Variants in TPCN1 observed in about 807,000 individuals in gnomAD.
The protein encoded by TPCN1 is two pore segment channel 1, also known as two pore channel protein 1.
TPCN1 carries 52 observed loss-of-function variants against 108.8 expected under a neutral mutation model. The observed-to-expected ratio is 0.48, with a 90% CI of 0.38 to 0.60. The LOEUF (loss-of-function observed/expected upper bound fraction) is 0.60, where lower values mean the gene tolerates loss of function less well. TPCN1 is among the 20% of genes least tolerant of loss of function. The pLI is 0.00. For synonymous variants in TPCN1, 446 were observed against 433.7 expected, an observed-to-expected ratio of 1.03 and a Z score of -0.35; for missense variants, 806 against 1,072.8, an observed-to-expected ratio of 0.75 and a Z score of 3.47.
intron 10 of TPCN1, among the ~76,000 whole-genome samples, chr12:113,275,727 C>G (rs574227849): frequency 1.3e-5 from 2 of 152,088 alleles, no homozygotes; most frequent in Admixed American, 1.3e-4. Context: ...CACCCGCCAC[C>G]ACGCCCGGCT....
At chr12:113,267,242 C>T (rs1173983041) in intron 4 of TPCN1, among the ~76,000 whole-genome samples, 2 of 152,166 alleles carry the variant, frequency 1.3e-5, no homozygotes. Context: ...TTAGGGGCTG[C>T]TCTCTGCTTG....
At chr12:113,256,917 A>G (rs1239868974) in intron 2 of TPCN1, among the ~76,000 whole-genome samples, 2 of 152,246 alleles carry the variant, frequency 1.3e-5, no homozygotes, top group Non-Finnish European at 2.9e-5. Context: ...CTTCTGTTTT[A>G]GTGACCTTTG....
chr12:113,272,255 A>T lies in TPCN1; in HGVS notation c.749-403A>T, dbSNP rs1955528797. 6.6e-6 allele frequency among the ~76,000 whole-genome samples: 1 copy of T among 152,198 alleles called. No homozygotes were observed. Among genetic ancestry groups the T allele is most frequent in the South Asian group, 2.1e-4 (1 of 4,826 alleles). On this transcript the variant is annotated intron_variant, in intron 7 of 27. Coordinates refer to ENST00000335509, the MANE Select transcript of TPCN1 (RefSeq NM_017901.6). The surrounding 1 kb of genome is among the most constrained non-coding windows in gnomAD (Gnocchi z 4.1). ...GGACCCTGGCTGCAGGGAGCAGCGG[A>T]TCCCTTTGGAATTTAGTCAGCTGTC...
At chr12:113,275,321 G>T (rs61943615) in intron 10 of TPCN1, among the ~76,000 whole-genome samples, 16,581 of 149,380 alleles carry the variant, frequency 0.11, 1,053 homozygotes, top group East Asian at 0.21. Flanking sequence ...CACTGCAACC[G>T]CCGCCTCCCA....
At chr12:113,237,131 C>G (rs1455726338) in intron 2 of TPCN1, among the ~76,000 whole-genome samples, 2 of 152,178 alleles carry the variant, frequency 1.3e-5, no homozygotes, top group Admixed American at 6.5e-5. Context: ...GATGCTGTCT[C>G]TAGCCAACTT....
chr12:113,246,035 T>C, intron 2 of TPCN1: 1 of 456,096 alleles, frequency 2.2e-6, no homozygotes, highest in Non-Finnish European at 4.4e-6. Context: ...GACATCAGCA[T>C]GTGGGAGTGT....
At chr12:113,264,817 G>T (rs1216471128) in intron 3 of TPCN1, among the ~76,000 whole-genome samples, 2 of 152,164 alleles carry the variant, frequency 1.3e-5, no homozygotes, top group African/African-American at 4.8e-5. Context: ...ATGTATAGTA[G>T]CAATACGCCA....
intron 3 of TPCN1, 132 bp downstream of exon 3, chr12:113,260,624 C>G: frequency 1.6e-6 from 2 of 1,216,198 alleles, no homozygotes; most frequent in Non-Finnish European, 2.2e-6. Flanking sequence ...GTGTGAGCTT[C>G]AGGTTCATAA....
chr12:113,232,501 G>A lies in TPCN1; in HGVS notation c.112+5537G>A, dbSNP rs1480691030. On this transcript the variant is annotated intron_variant, in intron 2 of 27. Transcript: ENST00000335509. The surrounding 1 kb of genome is among the most constrained non-coding windows in gnomAD (Gnocchi z 5.6). ...ACCCCGAGGTGTGCGCTCCATCACT[G>A]ATGTCTGTGCCGTGGCTCTGCCTCT... is the stretch of plus-strand genomic sequence containing the variant. 2.0e-5 allele frequency among the ~76,000 whole-genome samples: 3 copies of A among 152,380 alleles called. No individual in the cohort carries two copies. The highest frequency in any genetic ancestry group is 4.4e-5 in the Non-Finnish European group (3 of 68,036).
chr12:113,288,744 C>G lies in TPCN1; in HGVS notation c.1707-14C>G. 6.2e-7 allele frequency: 1 copy of G among 1,611,334 alleles called. No homozygotes were observed. The highest frequency in any genetic ancestry group is 8.5e-7 in the Non-Finnish European group (1 of 1,179,914). ...CTGCCGGCCCCGCGTCACCCTGCCC[C>G]TGTCGCCCCACAGCCTGGGCCTCAC... On this transcript the variant is annotated splice_polypyrimidine_tract_variant and intron_variant, in intron 20 of 27. Coordinates refer to ENST00000335509, the MANE Select transcript of TPCN1 (RefSeq NM_017901.6). This position sits in a 1 kb window ranked among gnomAD's most constrained non-coding sequence, Gnocchi z 4.8.
In TPCN1 at chr12:113,267,890, A is replaced by G; in HGVS notation, c.462A>G (p.Glu154=). 1 of 1,613,670 alleles carries G rather than the reference A, an allele frequency of 6.2e-7. No individual in the cohort carries two copies. The highest frequency in any genetic ancestry group is 8.5e-7 in the Non-Finnish European group (1 of 1,179,892). Residue 154 remains glutamate (E), a synonymous_variant, in exon 5 of 28, where the codon GAA becomes GAG. Transcript: ENST00000335509. ...TTGCCCTGATGGTGGTAGTGTTTGA[A>G]CTCTGCATGAAGTTACGCTGGCTGG... is the stretch of plus-strand genomic sequence containing the variant. ...ELFALMVVVF[E]LCMKLRWLGL...
chr12:113,244,672 C>T lies in TPCN1; in HGVS notation c.113-15696C>T, dbSNP rs1954281207. 3 of 985,428 alleles carry T rather than the reference C, an allele frequency of 3.0e-6. No homozygotes were observed. The South Asian group carries it at 1.4e-4, about 46-fold the overall frequency. The allele number at this position is 985,428 out of a possible 1,614,324, so 61.0% of individuals were successfully genotyped here. On this transcript the variant is annotated intron_variant, in intron 2 of 27. Transcript: ENST00000335509. ...CATGGTGTGGGGCTCTCAGTGACAA[C>T]TGGCAAGCGGCGGGGCGGTTGCTCG...
At chr12:113,252,564 C>T (rs568914900) in intron 2 of TPCN1, among the ~76,000 whole-genome samples, 11 of 152,324 alleles carry the variant, frequency 7.2e-5, no homozygotes, top group African/African-American at 2.6e-4. Context: ...TGGCTGCTGC[C>T]ATCTGTGCCA....
chr12:113,249,621 G>A (rs983831584), intron 2 of TPCN1: 2 of 152,260 alleles, frequency 1.3e-5, no homozygotes, highest in African/African-American at 2.4e-5. Flanking sequence ...GGAGAGCTAC[G>A]CAGCAGCGCT....
At position 113,289,833 on chromosome 12, in the gene TPCN1, C is replaced by T. The variant is rs116707785; in HGVS notation, c.1797-295C>T. On this transcript the variant is annotated intron_variant, in intron 21 of 27. Transcript: ENST00000335509. This position sits in a 1 kb window ranked among gnomAD's most constrained non-coding sequence, Gnocchi z 4.1. ...GAGGAGGCCCTTGCCTCTCCTCCCTCCCCTGCAAGCAACGGTGAGAGAGAA... is the reference window on the plus strand; with the variant it reads ...GAGGAGGCCCTTGCCTCTCCTCCCTTCCCTGCAAGCAACGGTGAGAGAGAA... Among the ~76,000 whole-genome samples, 2,574 of 152,288 alleles carry T rather than the reference C, an allele frequency of 0.017. 55 individuals carry two copies. Among genetic ancestry groups the T allele is most frequent in the African/African-American group, 0.058 (2,401 of 41,544 alleles).
rs760315248 is a variant in TPCN1, at chr12:113,284,574, A to G, written c.1343-7A>G. 2 of 1,613,954 alleles carry G rather than the reference A, an allele frequency of 1.2e-6. No homozygotes were observed. Among genetic ancestry groups the G allele is most frequent in the Non-Finnish European group, 1.7e-6 (2 of 1,180,040 alleles). Reference sequence around the variant, plus strand: ...TTCTCTGTCTTTTACGGGCCTGTGTATTTCAGACTTGGTGGTGGCAGTCAA... The same window carrying G: ...TTCTCTGTCTTTTACGGGCCTGTGTGTTTCAGACTTGGTGGTGGCAGTCAA... On this transcript the variant is annotated splice_polypyrimidine_tract_variant and splice_region_variant and intron_variant, in intron 15 of 27. Coordinates refer to ENST00000335509, the MANE Select transcript of TPCN1 (RefSeq NM_017901.6). The surrounding 1 kb of genome is among the most constrained non-coding windows in gnomAD (Gnocchi z 4.1).
intron 2 of TPCN1, among the ~76,000 whole-genome samples, chr12:113,241,174 C>T (rs1377157563): frequency 6.6e-6 from 1 of 152,214 alleles, no homozygotes; most frequent in Non-Finnish European, 1.5e-5. Flanking sequence ...AAGGGAAGGC[C>T]GAAAGCAGTG....
At chr12:113,257,995 T>C (rs563373945) in intron 2 of TPCN1, among the ~76,000 whole-genome samples, 1 of 152,336 alleles carries the variant, frequency 6.6e-6, no homozygotes, top group East Asian at 1.9e-4. Flanking sequence ...AGTAACAGAA[T>C]GCAGCTCAGT....
chr12:113,257,395 G>T (rs1453321033), intron 2 of TPCN1, among the ~76,000 whole-genome samples: 1 of 152,016 alleles, frequency 6.6e-6, no homozygotes, highest in Non-Finnish European at 1.5e-5. Flanking sequence ...GGAGGCTGAG[G>T]CAGGAGGATC....
Sources: allele counts gnomAD v4.1 joint callset (sites outside exome capture counted in the v4.1 genomes callset), GRCh38; gene constraint gnomAD v4.1.1; non-coding constraint Gnocchi (gnomAD v3.1); transcripts MANE v1.5; gene names NCBI Gene and HGNC (gene_info 2026-07-23, HGNC 2026-07-21).